LY75: variants seen among roughly 807,000 people sequenced by gnomAD.
The protein encoded by LY75 is lymphocyte antigen 75.
LY75 carries 185 observed loss-of-function variants against 231.7 expected under a neutral mutation model. The ratio of observed to expected loss-of-function variants is 0.80; its 90% CI spans 0.71 to 0.90. The LOEUF (loss-of-function observed/expected upper bound fraction) is 0.90, where lower values mean the gene tolerates loss of function less well. Ranked by LOEUF, LY75 falls within the 40% of genes least tolerant of loss-of-function variation. LY75 has a pLI of 0.00. For synonymous variants in LY75, 668 were observed against 689.0 expected, an observed-to-expected ratio of 0.97 and a Z score of 0.48; for missense variants, 1,947 against 2,050.2, an observed-to-expected ratio of 0.95 and a Z score of 0.97.
intron 15 of LY75, among the ~76,000 whole-genome samples, chr2:159,859,009 G>A (rs544114008): frequency 6.6e-6 from 1 of 152,344 alleles, no homozygotes; most frequent in Admixed American, 6.5e-5. Context: ...GTTTCTGGGG[G>A]TTCTGTGGCA....
At chr2:159,872,338 A>G (rs1685039562) in intron 13 of LY75, 113 bp downstream of exon 13, 2 of 1,385,802 alleles carry the variant, frequency 1.4e-6, no homozygotes, top group South Asian at 1.4e-5. Context: ...CCTTTTAGAT[A>G]ATAAAACATG....
chr2:159,808,589 A>G lies in LY75; in HGVS notation c.4700-18T>C. 6 of 1,611,994 alleles carry G rather than the reference A, an allele frequency of 3.7e-6. No individual in the cohort carries two copies. The highest frequency in any genetic ancestry group is 4.2e-6 in the Non-Finnish European group (5 of 1,179,704). ...AGAGTGATCTGTTGAAAGAAAACAC[A>G]TTCTCAATTAGCTTTATGGAAACTA... On this transcript the variant is annotated intron_variant, in intron 32 of 34. Coordinates refer to ENST00000263636, the MANE Select transcript of LY75 (RefSeq NM_002349.4).
chr2:159,835,073 C>T (rs1438456360), intron 26 of LY75, among the ~76,000 whole-genome samples: 1 of 152,192 alleles, frequency 6.6e-6, no homozygotes, highest in Non-Finnish European at 1.5e-5. Context: ...TCCTAAATTT[C>T]CCCTTGTCTT....
chr2:159,822,799 C>G (rs966394428), intron 28 of LY75, among the ~76,000 whole-genome samples: 17 of 152,208 alleles, frequency 1.1e-4, no homozygotes, highest in African/African-American at 3.6e-4. Flanking sequence ...TGCTGTTCTG[C>G]AGCCTCCGTG....
At chr2:159,884,279 T>A (rs1451625143) in intron 6 of LY75, among the ~76,000 whole-genome samples, 2 of 152,156 alleles carry the variant, frequency 1.3e-5, no homozygotes, top group African/African-American at 4.8e-5. Context: ...ATCAGTAGCA[T>A]GAAAACGGAT....
intron 23 of LY75, among the ~76,000 whole-genome samples, chr2:159,848,998 T>C (rs1288986732): frequency 1.3e-5 from 2 of 152,206 alleles, no homozygotes; most frequent in Non-Finnish European, 2.9e-5. Flanking sequence ...TTTAAATGTA[T>C]TTCTTACTAT....
intron 1 of LY75, among the ~76,000 whole-genome samples, chr2:159,900,686 AT>A (rs1171179957): frequency 6.6e-6 from 1 of 152,198 alleles, no homozygotes; most frequent in African/African-American, 2.4e-5. Flanking sequence ...CTTTGGAAGG[AT>A]TTTTTTGTTT....
At chr2:159,904,558 CG>C in intron 1 of LY75, 30 bp downstream of exon 1, 1 of 1,501,390 alleles carries the variant, frequency 6.7e-7, no homozygotes, top group Non-Finnish European at 8.9e-7. Flanking sequence ...AGGCACCCAG[CG>C]GACTGCGGGG....
intron 23 of LY75, among the ~76,000 whole-genome samples, chr2:159,848,068 G>GTATATATATATATATA (rs557189751): frequency 4.8e-5 from 6 of 123,876 alleles, no homozygotes; most frequent in African/African-American, 1.7e-4. Flanking sequence ...ATTATGGTGT[G>GTATATATATATATATA]TATATATATA....
At chr2:159,861,358 C>T (rs1684694200) in intron 14 of LY75, among the ~76,000 whole-genome samples, 1 of 152,008 alleles carries the variant, frequency 6.6e-6, no homozygotes, top group African/African-American at 2.4e-5. Flanking sequence ...TAATTTTGCT[C>T]CTATAACTAT....
At chr2:159,901,782 A>G (rs1417014530) in intron 1 of LY75, among the ~76,000 whole-genome samples, 2 of 152,218 alleles carry the variant, frequency 1.3e-5, no homozygotes, top group Admixed American at 1.3e-4. Context: ...TGCAATTTCA[A>G]TGTGACACTT....
rs758299419 is a variant in LY75, at chr2:159,835,580, A to G, written c.3573T>C (p.Asn1191=). The change falls in exon 26 of 35, where the codon AAT becomes AAC. Residue 1191 remains asparagine, a synonymous_variant. Transcript: ENST00000263636. ...RLHFSRWAET[N]GQLEDCVVLD... Reference sequence around the variant, plus strand: ...ATACTACACAGTCTTCGAGTTGCCCATTAGTTTCAGCCCAGCGACTAAAAT... The same window carrying G: ...ATACTACACAGTCTTCGAGTTGCCCGTTAGTTTCAGCCCAGCGACTAAAAT... The G allele has an allele frequency of 4.3e-6, 7 of 1,613,892 alleles. No homozygotes were observed. The East Asian group carries it at 1.1e-4, about 26-fold the overall frequency.
At chr2:159,883,758 G>T (rs1280703933) in intron 6 of LY75, among the ~76,000 whole-genome samples, 1 of 152,112 alleles carries the variant, frequency 6.6e-6, no homozygotes, top group Non-Finnish European at 1.5e-5. Flanking sequence ...AATTTGGTTT[G>T]AATCAACTTG....
chr2:159,834,542 A>C (rs886556744), intron 26 of LY75, among the ~76,000 whole-genome samples: 1 of 152,358 alleles, frequency 6.6e-6, no homozygotes, highest in Middle Eastern at 3.4e-3. Context: ...AAACATATTC[A>C]TTATTAAAAG....
chr2:159,825,220 T>C (rs1683423869), intron 28 of LY75, among the ~76,000 whole-genome samples: 3 of 151,826 alleles, frequency 2.0e-5, no homozygotes, highest in Non-Finnish European at 4.4e-5. Context: ...GCCAGACTAA[T>C]AAAGAAGAAA....
intron 11 of LY75, among the ~76,000 whole-genome samples, chr2:159,876,958 G>A (rs1448657188): frequency 7.6e-5 from 10 of 131,820 alleles, no homozygotes; most frequent in African/African-American, 2.3e-4. Flanking sequence ...ACAGTGAGCC[G>A]AGATCGAGCC....
chr2:159,883,294 GA>G (rs535338960), intron 6 of LY75, among the ~76,000 whole-genome samples: 26 of 136,634 alleles, frequency 1.9e-4, no homozygotes, highest in African/African-American at 2.7e-4. Flanking sequence ...AAAAAAAAAA[GA>G]AAAAAAAATG....
chr2:159,856,532 T>C (rs966437484), intron 16 of LY75, among the ~76,000 whole-genome samples: 7 of 152,136 alleles, frequency 4.6e-5, no homozygotes, highest in African/African-American at 1.7e-4. Flanking sequence ...CAAGAAAATA[T>C]CCAACCAGCT....
chr2:159,858,710 A>G (rs1057093129), intron 15 of LY75, among the ~76,000 whole-genome samples: 13 of 152,242 alleles, frequency 8.5e-5, no homozygotes. Flanking sequence ...TCCAAAATGC[A>G]AATTTTCTCC....
Sources: allele counts gnomAD v4.1 joint callset (sites outside exome capture counted in the v4.1 genomes callset), GRCh38; gene constraint gnomAD v4.1.1; transcripts MANE v1.5; gene names NCBI Gene and HGNC (gene_info 2026-07-23, HGNC 2026-07-21).